Variants in TCEA1 observed in about 807,000 individuals in gnomAD.
TCEA1 encodes transcription elongation factor A1, also known as transcription elongation factor A protein 1.
Under a neutral mutation model 43.8 loss-of-function variants are expected in TCEA1, and 21 were observed. The ratio of observed to expected loss-of-function variants is 0.48; its 90% CI spans 0.34 to 0.69. The LOEUF (loss-of-function observed/expected upper bound fraction) is 0.69, where lower values mean the gene tolerates loss of function less well. Among genes scored for constraint, TCEA1 ranks in the 30% least tolerant of loss-of-function variants. The pLI is 0.01. For missense variants in TCEA1, 250 were observed against 365.1 expected (o/e 0.68, Z 2.57); for synonymous variants, 104 against 117.5 (o/e 0.88, Z 0.75).
chr8:53,975,461 T>C (rs1803302788), intron 8 of TCEA1, among the ~76,000 whole-genome samples: 1 of 152,202 alleles, frequency 6.6e-6, no homozygotes, highest in Admixed American at 6.5e-5. Context: ...AGTAGCATTA[T>C]TCACAATAGC....
chr8:53,977,276 C>T (rs1427356297), intron 8 of TCEA1, among the ~76,000 whole-genome samples: 1 of 152,114 alleles, frequency 6.6e-6, no homozygotes, highest in Non-Finnish European at 1.5e-5. Flanking sequence ...GCTGAGATGG[C>T]GCCACTGCAC....
intron 7 of TCEA1, among the ~76,000 whole-genome samples, chr8:53,981,380 T>C (rs1254819630): frequency 1.3e-5 from 2 of 152,208 alleles, no homozygotes; most frequent in African/African-American, 4.8e-5. Flanking sequence ...AAGGACTCTC[T>C]TGTTAGGGGC....
chr8:53,984,384 T>C lies in TCEA1; in HGVS notation c.657A>G (p.Leu219=), dbSNP rs1322028314. Residue 219 remains leucine, a synonymous_variant, in exon 7 of 10, where the codon TTA becomes TTG. Transcript: ENST00000521604. ...TCACCTCTGCTGTCATTCTAGCAAA[T>C]AAGTCAGGAGGAATATTCCCACAGA... ...NVLCGNIPPD[L]FARMTAEEMA... The C allele has an allele frequency of 6.2e-7, 1 of 1,600,494 alleles. No homozygotes were observed. The highest frequency in any genetic ancestry group is 2.2e-5 in the East Asian group (1 of 44,796).
intron 8 of TCEA1, among the ~76,000 whole-genome samples, chr8:53,974,387 G>A (rs1018727976): frequency 2.0e-4 from 30 of 151,998 alleles, no homozygotes; most frequent in African/African-American, 7.0e-4. Context: ...TGACAAATTT[G>A]TATTGTATAT....
intron 3 of TCEA1, among the ~76,000 whole-genome samples, chr8:53,994,509 G>A (rs1250539014): frequency 6.6e-6 from 1 of 152,092 alleles, no homozygotes; most frequent in Non-Finnish European, 1.5e-5. Flanking sequence ...GGATGAGTAA[G>A]ACCTACCCAG....
intron 7 of TCEA1, among the ~76,000 whole-genome samples, chr8:53,980,724 A>G (rs939016376): frequency 2.6e-5 from 4 of 152,178 alleles, no homozygotes; most frequent in Non-Finnish European, 4.4e-5. Context: ...AATCAGGCCA[A>G]TTAATAACCC....
intron 3 of TCEA1, among the ~76,000 whole-genome samples, chr8:53,999,224 C>CAAAAAAAA (rs57357613): frequency 7.7e-5 from 5 of 64,518 alleles, no homozygotes; most frequent in African/African-American, 1.6e-4. Flanking sequence ...GACTCAGTCT[C>CAAAAAAAA]AAAAAAAAAA....
rs758708704 is a variant in TCEA1 at position 53,979,136 on chromosome 8, T to C, written c.714A>G (p.Lys238=). ...MASDELKEMR[K]NLTKEAIREH... ...CTCTGATGGCTTCTTTGGTCAAGTT[T>C]TTCCGCATCTCTTTCAGCTCATCAC... The change falls in exon 8 of 10, where the codon AAA becomes AAG. Residue 238 remains lysine, a synonymous_variant. Transcript: ENST00000521604. 6 of 1,613,900 alleles carry C rather than the reference T, an allele frequency of 3.7e-6. No individual in the cohort carries two copies. In the South Asian group the frequency reaches 6.6e-5, roughly 18 times the overall value.
At chr8:54,021,703 TC>T (rs1447975928) in intron 1 of TCEA1, 2 of 194,194 alleles carry the variant, frequency 1.0e-5, no homozygotes, top group Non-Finnish European at 2.1e-5. Flanking sequence ...AAGACTCCAT[TC>T]TTTCAAGTTC....
chr8:53,981,754 C>CTT (rs113461227), intron 7 of TCEA1, among the ~76,000 whole-genome samples: 11 of 140,768 alleles, frequency 7.8e-5, no homozygotes, highest in Admixed American at 2.1e-4. Flanking sequence ...GTAATTCTGA[C>CTT]TTTTTTTTTT....
intron 5 of TCEA1, 36 bp from the exon 6 acceptor site, chr8:53,987,061 A>T (rs1236157205): frequency 3.9e-6 from 6 of 1,521,710 alleles, no homozygotes; most frequent in South Asian, 1.2e-5. Context: ...AAATTATTGT[A>T]ACAGATTAAA....
At chr8:54,015,992 C>T (rs988519709) in intron 1 of TCEA1, among the ~76,000 whole-genome samples, 1 of 152,054 alleles carries the variant, frequency 6.6e-6, no homozygotes, top group Non-Finnish European at 1.5e-5. Flanking sequence ...CACTTTACAC[C>T]CACTAGGAAG....
chr8:54,016,272 C>G (rs181888193), intron 1 of TCEA1, among the ~76,000 whole-genome samples: 2 of 151,898 alleles, frequency 1.3e-5, no homozygotes, highest in Non-Finnish European at 2.9e-5. Flanking sequence ...GTCAGGAGAT[C>G]GAGACCATCC....
chr8:53,999,140 G>A (rs1268940006), intron 3 of TCEA1, among the ~76,000 whole-genome samples: 1 of 150,040 alleles, frequency 6.7e-6, no homozygotes, highest in Non-Finnish European at 1.5e-5. Flanking sequence ...AGGCAGAATG[G>A]CATGAACCCA....
rs1413834074 is a variant in TCEA1, at chr8:53,967,251, T to C, written c.*853A>G. On this transcript the variant is annotated 3_prime_UTR_variant, in exon 10 of 10. Coordinates refer to ENST00000521604, the MANE Select transcript of TCEA1 (RefSeq NM_006756.4). ...ACTGTTTACAATAGCTATACTACACTAAGATGCTAAACATTTTCTTTCCAG... is the reference window on the plus strand; with the variant it reads ...ACTGTTTACAATAGCTATACTACACCAAGATGCTAAACATTTTCTTTCCAG... 9.9e-6 allele frequency: 2 copies of C among 202,776 alleles called. No individual in the cohort carries two copies. The highest frequency in any genetic ancestry group is 4.6e-5 in the African/African-American group (2 of 43,698). 12.6% of individuals were successfully genotyped at this position (202,776 alleles called of 1,614,324 possible). A position where few individuals can be genotyped will look rare whatever the true frequency, so the allele number is the denominator to read the frequency against.
At chr8:53,968,572 G>A (rs545709108) in intron 9 of TCEA1, among the ~76,000 whole-genome samples, 85 of 152,184 alleles carry the variant, frequency 5.6e-4, no homozygotes, top group African/African-American at 1.8e-3. Flanking sequence ...AGCTGGGCAC[G>A]GTGGCTCACA....
At chr8:53,976,861 C>T (rs185903959) in intron 8 of TCEA1, among the ~76,000 whole-genome samples, 26 of 152,020 alleles carry the variant, frequency 1.7e-4, no homozygotes, top group Middle Eastern at 3.4e-3. Flanking sequence ...AAAACTGCTA[C>T]AAAATGAAAC....
At chr8:53,973,061 G>T in intron 8 of TCEA1, 1 of 670,236 alleles carries the variant, frequency 1.5e-6, no homozygotes, top group Non-Finnish European at 2.9e-6. Context: ...TTTTGGACAT[G>T]GATTTTCAAG....
chr8:54,003,929 C>T (rs1335102215), intron 2 of TCEA1, among the ~76,000 whole-genome samples: 1 of 149,752 alleles, frequency 6.7e-6, no homozygotes, highest in Non-Finnish European at 1.5e-5. Flanking sequence ...AGAACTATTA[C>T]AACTCGATTA....
Sources: allele counts gnomAD v4.1 joint callset (sites outside exome capture counted in the v4.1 genomes callset), GRCh38; gene constraint gnomAD v4.1.1; transcripts MANE v1.5; gene names NCBI Gene and HGNC (gene_info 2026-07-23, HGNC 2026-07-21).